NCOA1: variants seen among roughly 807,000 people sequenced by gnomAD.
The protein encoded by NCOA1 is Hin-2 protein.
Under a neutral mutation model 150.9 loss-of-function variants are expected in NCOA1, and 35 were observed. The observed-to-expected ratio is 0.23, with a 90% confidence interval of 0.18 to 0.31. The LOEUF (loss-of-function observed/expected upper bound fraction) is 0.31. Ranked by LOEUF, NCOA1 falls within the 10% of genes least tolerant of loss-of-function variation. The probability of loss-of-function intolerance (pLI) is 1.00; values close to 1 mark genes in which losing one functional copy is unlikely to be tolerated. For missense variants in NCOA1, 1,491 were observed against 1,749.3 expected (o/e 0.85, Z 2.63); for synonymous variants, 590 against 630.0 (o/e 0.94, Z 0.95).
At chr2:24,636,048 G>T (rs934185987) in intron 3 of NCOA1, among the ~76,000 whole-genome samples, 6 of 152,014 alleles carry the variant, frequency 3.9e-5, no homozygotes, top group Non-Finnish European at 7.4e-5. Flanking sequence ...TATATAAAAA[G>T]CAAAAACCCA....
intron 4 of NCOA1, among the ~76,000 whole-genome samples, chr2:24,655,000 CTTTA>C (rs964925628): frequency 1.3e-5 from 2 of 152,040 alleles, no homozygotes; most frequent in Non-Finnish European, 2.9e-5. Context: ...TCTGTTTTTG[CTTTA>C]TTTTTCTCCA....
intron 7 of NCOA1, among the ~76,000 whole-genome samples, chr2:24,680,597 G>A (rs1400374531): frequency 6.6e-6 from 1 of 151,978 alleles, no homozygotes; most frequent in African/African-American, 2.4e-5. Context: ...GAGGGATGTT[G>A]GTCAAAAGAT....
intron 3 of NCOA1, among the ~76,000 whole-genome samples, chr2:24,611,442 A>G (rs903432163): frequency 3.3e-5 from 5 of 152,180 alleles, no homozygotes; most frequent in Non-Finnish European, 7.3e-5. Context: ...AACAATTTAT[A>G]TTCTTTTGGA....
chr2:24,758,295 C>A, intron 21 of NCOA1, 139 bp downstream of exon 21: 30 of 564,714 alleles, frequency 5.3e-5, no homozygotes, highest in Non-Finnish European at 7.2e-5. Context: ...ATTACTGGCT[C>A]TTAAGATATA....
At chr2:24,681,118 C>CT (rs908997743) in intron 7 of NCOA1, among the ~76,000 whole-genome samples, 5 of 148,978 alleles carry the variant, frequency 3.4e-5, no homozygotes, top group Admixed American at 6.7e-5. Flanking sequence ...AATCCCAGCA[C>CT]TTTGGGAGGC....
At chr2:24,671,966 GA>G (rs1446880725) in intron 6 of NCOA1, among the ~76,000 whole-genome samples, 2 of 152,050 alleles carry the variant, frequency 1.3e-5, no homozygotes, top group Non-Finnish European at 2.9e-5. Flanking sequence ...GAATAATGAT[GA>G]AAAAATCTAT....
chr2:24,535,468 A>G (rs1182771310), intron 1 of NCOA1, among the ~76,000 whole-genome samples: 1 of 152,100 alleles, frequency 6.6e-6, no homozygotes, highest in Non-Finnish European at 1.5e-5. Context: ...TAATATTATT[A>G]TGTGTGAATT....
chr2:24,518,433 G>A (rs1298330835), intron 1 of NCOA1, among the ~76,000 whole-genome samples: 7 of 151,934 alleles, frequency 4.6e-5, no homozygotes, highest in Non-Finnish European at 8.8e-5. Context: ...ACACAGACAA[G>A]GGAAGTATAT....
At chr2:24,653,573 A>G (rs1307586422) in intron 4 of NCOA1, among the ~76,000 whole-genome samples, 1 of 152,148 alleles carries the variant, frequency 6.6e-6, no homozygotes, top group Non-Finnish European at 1.5e-5. Flanking sequence ...TAGTTTCTCT[A>G]TCCTTTAGGT....
chr2:24,507,943 A>T (rs1225278094), intron 1 of NCOA1, among the ~76,000 whole-genome samples: 1 of 152,154 alleles, frequency 6.6e-6, no homozygotes, highest in Non-Finnish European at 1.5e-5. Context: ...ATCCTTTTTG[A>T]AGTAATATGG....
rs774229431 is a variant in NCOA1, at chr2:24,741,914, C to G, written c.3434C>G (p.Pro1145Arg). The G allele has an allele frequency of 6.2e-7, 1 of 1,614,116 alleles. No homozygotes were observed. The highest frequency in any genetic ancestry group is 8.5e-7 in the Non-Finnish European group (1 of 1,180,042). The change falls in exon 19 of 23, where the codon CCT becomes CGT. Residue 1145 changes from proline to arginine, a missense_variant. Transcript: ENST00000348332. ...CAGCAAAGCTTTGGGAACAACCTCC[C>G]TCCCTCATCTGGACTACCAGTTCAA... ...MRQQSFGNNLPPSSGLPVQMG... is the reference protein window; with the variant it reads ...MRQQSFGNNLRPSSGLPVQMG...
At chr2:24,736,583 G>A (rs1449476117) in intron 17 of NCOA1, among the ~76,000 whole-genome samples, 1 of 152,142 alleles carries the variant, frequency 6.6e-6, no homozygotes, top group Non-Finnish European at 1.5e-5. Context: ...TTACCTTCAG[G>A]TTTCTGGCAA....
At chr2:24,732,636 G>T (rs992833916) in intron 17 of NCOA1, among the ~76,000 whole-genome samples, 2 of 152,130 alleles carry the variant, frequency 1.3e-5, no homozygotes, top group African/African-American at 4.8e-5. Context: ...GATCAACTCA[G>T]CATAGTAAAA....
At chr2:24,743,503 A>G (rs545909419) in intron 19 of NCOA1, among the ~76,000 whole-genome samples, 6 of 152,380 alleles carry the variant, frequency 3.9e-5, no homozygotes, top group Admixed American at 2.0e-4. Context: ...TGGCTGGTTT[A>G]TATCAGTGAC....
At chr2:24,743,817 T>C (rs1663741247) in intron 19 of NCOA1, among the ~76,000 whole-genome samples, 1 of 152,218 alleles carries the variant, frequency 6.6e-6, no homozygotes, top group Non-Finnish European at 1.5e-5. Flanking sequence ...ATTTATCTCA[T>C]GCATTAGGGG....
chr2:24,738,097 A>G (rs1558327992), intron 17 of NCOA1, among the ~76,000 whole-genome samples: 1 of 152,060 alleles, frequency 6.6e-6, no homozygotes, highest in East Asian at 1.9e-4. Flanking sequence ...TTTATATTAT[A>G]ATGAGCTTTT....
At chr2:24,668,816 A>G (rs1432266795) in intron 6 of NCOA1, among the ~76,000 whole-genome samples, 1 of 152,056 alleles carries the variant, frequency 6.6e-6, no homozygotes, top group East Asian at 1.9e-4. Context: ...AAAAAAAGGA[A>G]CGCATAAGAG....
chr2:24,707,948 C>T (rs1673540027), intron 13 of NCOA1, 60 bp downstream of exon 13: 5 of 1,508,986 alleles, frequency 3.3e-6, no homozygotes, highest in Non-Finnish European at 4.4e-6. Context: ...TTCATTTATT[C>T]TATTCCATCT....
At chr2:24,507,442 T>TTG (rs921217958) in intron 1 of NCOA1, among the ~76,000 whole-genome samples, 3 of 151,170 alleles carry the variant, frequency 2.0e-5, no homozygotes, top group Non-Finnish European at 4.4e-5. Flanking sequence ...TGGGTTTTTT[T>TTG]TTTTTTTTTT....
Sources: allele counts gnomAD v4.1 joint callset (sites outside exome capture counted in the v4.1 genomes callset), GRCh38; gene constraint gnomAD v4.1.1; transcripts MANE v1.5; gene names NCBI Gene and HGNC (gene_info 2026-07-23, HGNC 2026-07-21).